The following NID2 variants were observed in gnomAD, a reference collection of about 807,000 sequenced individuals.
NID2 encodes nidogen 2, also known as nidogen-2.
NID2 carries 83 observed loss-of-function variants against 145.4 expected under a neutral mutation model. That is an observed-to-expected ratio of 0.57 (90% confidence interval 0.48 to 0.69). The LOEUF is 0.69. Ranked by LOEUF, NID2 falls within the 30% of genes least tolerant of loss-of-function variation. The pLI is 0.00. For synonymous variants in NID2, 739 were observed against 701.3 expected (o/e 1.05, Z -0.85); for missense variants, 1,807 against 1,765.7 (o/e 1.02, Z -0.42).
At chr14:52,056,029 A>C (rs1892835020) in intron 3 of NID2, among the ~76,000 whole-genome samples, 1 of 152,084 alleles carries the variant, frequency 6.6e-6, no homozygotes, top group African/African-American at 2.4e-5. Context: ...ATAGAAAGAA[A>C]AACTGATTTT....
chr14:52,046,275 A>AGTG (rs1892488731), intron 5 of NID2, among the ~76,000 whole-genome samples: 1 of 144,208 alleles, frequency 6.9e-6, no homozygotes, highest in South Asian at 2.3e-4. Context: ...GTGAGCCGAG[A>AGTG]TCGCACCACT....
chr14:52,011,103 T>C lies in NID2; in HGVS notation c.3551-56A>G, dbSNP rs537430482. On this transcript the variant is annotated intron_variant, in intron 17 of 21. Coordinates refer to ENST00000216286, the MANE Select transcript of NID2 (RefSeq NM_007361.4). ...GTTTGCAGGATATGGAGGGCAAACC[T>C]GAAGCCCTCCAACGGTCGGGTGGGC... 584 of 1,562,536 alleles carry C rather than the reference T, an allele frequency of 3.7e-4. 1 individual carries two copies. The highest frequency in any genetic ancestry group is 5.0e-4 in the Non-Finnish European group (567 of 1,139,418).
intron 5 of NID2, among the ~76,000 whole-genome samples, chr14:52,044,435 A>G (rs1007435670): frequency 1.1e-4 from 16 of 151,850 alleles, no homozygotes; most frequent in Middle Eastern, 3.4e-3. Flanking sequence ...ACGCCTGACT[A>G]ATTTTTTGTA....
intron 7 of NID2, among the ~76,000 whole-genome samples, chr14:52,041,793 G>A (rs1892288958): frequency 6.6e-6 from 1 of 152,188 alleles, no homozygotes; most frequent in Non-Finnish European, 1.5e-5. Flanking sequence ...ACAGATCTGT[G>A]CATAATTTAA....
chr14:52,024,584 G>A (rs1891518342), intron 12 of NID2, among the ~76,000 whole-genome samples: 1 of 152,124 alleles, frequency 6.6e-6, no homozygotes, highest in South Asian at 2.1e-4. Context: ...CCAGGTCCCT[G>A]GACCACTGAT....
chr14:52,036,537 C>A lies in NID2; in HGVS notation c.2257+2210G>T, dbSNP rs61646007. Among the ~76,000 whole-genome samples the A allele has an allele frequency of 8.6e-3, 1,311 of 152,280 alleles. 19 individuals are homozygous for A. The highest frequency in any genetic ancestry group is 0.03 in the African/African-American group (1,252 of 41,542). On this transcript the variant is annotated intron_variant, in intron 9 of 21. Transcript: ENST00000216286. The stretch of plus-strand genomic sequence containing the variant: ...GGGTATATAGAAAGGAGTAGAATTG[C>A]TCCATTAAATGGTAACTTTGTGTTT...
chr14:52,067,183 T>C (rs1297267321), intron 2 of NID2, among the ~76,000 whole-genome samples: 1 of 152,198 alleles, frequency 6.6e-6, no homozygotes, highest in Non-Finnish European at 1.5e-5. Flanking sequence ...GAAAAAGCCT[T>C]AATGGCCCAA....
In NID2 at chr14:52,015,030, G is replaced by T. The variant is rs772284329; in HGVS notation, c.3250+24C>A. 8.2e-6 allele frequency: 13 copies of T among 1,587,146 alleles called. No homozygotes were observed. In the South Asian group the frequency reaches 1.5e-4, roughly 18 times the overall value. ...CAAAGGCCTTAGATACAGCTGAGGG[G>T]AGCGGGGGCGGCCAGGTGCTTACAC... is the stretch of plus-strand genomic sequence containing the variant. On this transcript the variant is annotated intron_variant, in intron 15 of 21. Transcript: ENST00000216286.
chr14:52,056,840 A>C (rs1375813560), intron 3 of NID2, among the ~76,000 whole-genome samples: 2 of 152,164 alleles, frequency 1.3e-5, no homozygotes, highest in Non-Finnish European at 2.9e-5. Context: ...AACATCATAA[A>C]TACTTATTAA....
At chr14:52,023,505 C>T (rs751435611) in intron 12 of NID2, among the ~76,000 whole-genome samples, 149 of 151,670 alleles carry the variant, frequency 9.8e-4, no homozygotes, top group Non-Finnish European at 3.7e-4. Context: ...AAAGAAAAAA[C>T]GCCAGGAAAC....
Position 52,015,242 on chromosome 14 carries a change from C to T in NID2, c.3062G>A (p.Arg1021His), listed in dbSNP as rs377464008. 2.5e-5 allele frequency: 41 copies of T among 1,612,882 alleles called. No homozygotes were observed. The highest frequency in any genetic ancestry group is 1.6e-4 in the Middle Eastern group (1 of 6,078). ...PTQRPPTICE[R>H]WRENLLEHYG... is the part of the protein sequence containing the mutation. ...GTGCTCCAGCAGGTTTTCCCTCCAGCGCTCACAGATGGTCGGGGGCCTCTG... is the reference window on the plus strand; with the variant it reads ...GTGCTCCAGCAGGTTTTCCCTCCAGTGCTCACAGATGGTCGGGGGCCTCTG... The change falls in exon 15 of 22, where the codon CGC (arginine) becomes CAC (histidine). Residue 1021 changes from arginine to histidine, a missense_variant. By Grantham distance (29) the Arg-to-His change is conservative. Transcript: ENST00000216286.
chr14:52,029,519 G>A (rs761591093), intron 10 of NID2, 28 bp downstream of exon 10: 2 of 1,591,840 alleles, frequency 1.3e-6, no homozygotes, highest in African/African-American at 1.3e-5. Flanking sequence ...AGGGCTACAA[G>A]AAGGAGACAC....
At position 52,035,856 on chromosome 14, in the gene NID2, G is replaced by GTATATATATATATATA. The variant is rs60735637; in HGVS notation, c.2257+2875_2257+2890dup. Among the ~76,000 whole-genome samples, 205 of 65,252 alleles carry GTATATATATATATATA rather than the reference G, an allele frequency of 3.1e-3. 2 individuals carry two copies. Among genetic ancestry groups the GTATATATATATATATA allele is most frequent in the East Asian group, 0.011 (28 of 2,590 alleles). 42.8% of individuals were successfully genotyped at this position (65,252 alleles called of 152,430 possible). A position where few individuals can be genotyped will look rare whatever the true frequency, so the allele number is the denominator to read the frequency against. ...ACCACACCTGGCTAAATTTTTTTGTGTATATATATATATATATATATATGT... is the reference window on the plus strand; with the variant it reads ...ACCACACCTGGCTAAATTTTTTTGTGTATATATATATATATATATATATATATATATATATATATGT... On this transcript the variant is annotated intron_variant, in intron 9 of 21. Transcript: ENST00000216286.
chr14:52,028,964 G>A (rs1311770020), intron 10 of NID2, 114 bp from the exon 11 acceptor site: 2 of 1,001,180 alleles, frequency 2.0e-6, no homozygotes, highest in East Asian at 2.7e-5. Context: ...ACAAATGGTT[G>A]GCAGATGTAG....
intron 2 of NID2, among the ~76,000 whole-genome samples, chr14:52,062,260 C>T (rs992132123): frequency 2.0e-5 from 3 of 152,208 alleles, no homozygotes; most frequent in Non-Finnish European, 2.9e-5. Context: ...GAAAAAACAA[C>T]ATCTTGCTTT....
intron 2 of NID2, among the ~76,000 whole-genome samples, chr14:52,061,683 T>A (rs543671649): frequency 7.9e-5 from 12 of 152,292 alleles, no homozygotes; most frequent in African/African-American, 2.9e-4. Flanking sequence ...CAGCTGCCAA[T>A]TCAACACCCA....
chr14:52,005,502 AG>A lies in NID2; in HGVS notation c.4118-7del, dbSNP rs1890736749. 6.3e-7 allele frequency: 1 copy of A among 1,596,854 alleles called. No homozygotes were observed. The highest frequency in any genetic ancestry group is 1.4e-5 in the African/African-American group (1 of 73,906). On this transcript the variant is annotated splice_region_variant and splice_polypyrimidine_tract_variant and intron_variant, in intron 21 of 21. Transcript: ENST00000216286. ...TTACTGTACTTACTTTCTTCCTGTG[AG>A]AGAAGAGCAGGGGTGGGACAGGGTG... is the stretch of plus-strand genomic sequence containing the variant.
At chr14:52,026,544 T>TA (rs1595018091) in intron 12 of NID2, among the ~76,000 whole-genome samples, 1 of 152,250 alleles carries the variant, frequency 6.6e-6, no homozygotes, top group East Asian at 1.9e-4. Flanking sequence ...AAGATTTATT[T>TA]AATGATTTCT....
intron 20 of NID2, 104 bp from the exon 21 acceptor site, chr14:52,005,953 C>G: frequency 2.6e-6 from 2 of 780,632 alleles, no homozygotes; most frequent in South Asian, 1.5e-5. Context: ...TTTCTGGCAG[C>G]CTTCTCTGTC....
Sources: allele counts gnomAD v4.1 joint callset (sites outside exome capture counted in the v4.1 genomes callset), GRCh38; gene constraint gnomAD v4.1.1; transcripts MANE v1.5; gene names NCBI Gene and HGNC (gene_info 2026-07-23, HGNC 2026-07-21).